Variants in SPATA13 observed in about 807,000 individuals in gnomAD.
SPATA13 encodes the protein spermatogenesis-associated protein 13.
Under a neutral mutation model 104.0 loss-of-function variants are expected in SPATA13, and 50 were observed. The observed-to-expected ratio is 0.48, with a 90% CI of 0.38 to 0.61. The LOEUF is 0.61. SPATA13 is among the 20% of genes least tolerant of loss of function. The pLI, the probability that SPATA13 is intolerant of heterozygous loss-of-function variation, is 0.00. For synonymous variants in SPATA13, 606 were observed against 667.5 expected (o/e 0.91, Z 1.42); for missense variants, 1,524 against 1,690.6 (o/e 0.90, Z 1.73).
intron 3 of SPATA13, among the ~76,000 whole-genome samples, chr13:24,146,645 TA>T (rs1034364417): frequency 8.2e-6 from 1 of 122,422 alleles, no homozygotes; most frequent in Non-Finnish European, 1.8e-5. Context: ...CACAGCAATT[TA>T]AAAAAAATGC....
chr13:24,075,732 T>C (rs1391824389), intron 3 of SPATA13, among the ~76,000 whole-genome samples: 2 of 152,206 alleles, frequency 1.3e-5, no homozygotes, highest in Non-Finnish European at 2.9e-5. Context: ...GTTTTTCACC[T>C]TGACCTCCAA....
intron 7 of SPATA13, among the ~76,000 whole-genome samples, chr13:24,287,918 G>A (rs762079134): frequency 6.6e-5 from 10 of 152,190 alleles, no homozygotes; most frequent in Admixed American, 2.6e-4. Context: ...TGCACTATCA[G>A]TTCAACGCTG....
At position 24,147,891 on chromosome 13, in the gene SPATA13, G is replaced by A. The variant is rs73448998; in HGVS notation, c.-111-74928G>A. 7.4e-3 allele frequency among the ~76,000 whole-genome samples: 1,129 copies of A among 152,230 alleles called. 12 individuals carry two copies. Among genetic ancestry groups the A allele is most frequent in the African/African-American group, 0.025 (1,018 of 41,534 alleles). On this transcript the variant is annotated intron_variant, in intron 3 of 14. Coordinates refer to the SPATA13 transcript ENST00000424834. The stretch of plus-strand genomic sequence containing the variant: ...ATTGGTTCATTTCATTTAGCGTAAG[G>A]TCCTCAAGGTTCATCCATGTTGTAG...
intron 2 of SPATA13, among the ~76,000 whole-genome samples, chr13:24,000,307 T>G (rs1875894661): frequency 6.6e-6 from 1 of 152,126 alleles, no homozygotes; most frequent in Non-Finnish European, 1.5e-5. Flanking sequence ...TTAACCAGGC[T>G]GATACAAAGA....
chr13:24,212,830 T>C (rs1029000870), intron 1 of SPATA13, among the ~76,000 whole-genome samples: 1 of 152,254 alleles, frequency 6.6e-6, no homozygotes, highest in Admixed American at 6.5e-5. Context: ...GGGCTCTTGC[T>C]GAGCCACTTG....
At chr13:24,023,802 G>C (rs1877086163) in intron 3 of SPATA13, among the ~76,000 whole-genome samples, 1 of 152,188 alleles carries the variant, frequency 6.6e-6, no homozygotes, top group Non-Finnish European at 1.5e-5. Context: ...CTCCAGAAGA[G>C]AATCAGTTCT....
chr13:24,286,675 A>G lies in SPATA13; in HGVS notation c.2482-90A>G. ...CCAGGCTGCCTTCCTAACAGGTCAC[A>G]GGAAAGTAGGAACCTGGGAGGTCTC... On this transcript the variant is annotated intron_variant, in intron 6 of 12. Transcript: ENST00000382108. This position sits in a 1 kb window ranked among gnomAD's most constrained non-coding sequence, Gnocchi z 4.9. 5 of 1,292,602 alleles carry G rather than the reference A, an allele frequency of 3.9e-6. No homozygotes were observed. The highest frequency in any genetic ancestry group is 5.3e-6 in the Non-Finnish European group (5 of 937,556). 80.1% of individuals were successfully genotyped at this position (1,292,602 alleles called of 1,614,324 possible). A position where few individuals can be genotyped will look rare whatever the true frequency, so the allele number is the denominator to read the frequency against.
At chr13:24,184,629 G>C (rs549810064) in intron 1 of SPATA13, among the ~76,000 whole-genome samples, 78 of 152,146 alleles carry the variant, frequency 5.1e-4, no homozygotes, top group Non-Finnish European at 1.0e-3. Context: ...GCAACAGCAT[G>C]AACTCACTAA....
intron 1 of SPATA13, among the ~76,000 whole-genome samples, chr13:24,216,906 T>TG (rs1871284012): frequency 6.6e-6 from 1 of 151,806 alleles, no homozygotes; most frequent in South Asian, 2.1e-4. Flanking sequence ...CAAAAATTAG[T>TG]GGGGCATAGT....
chr13:24,279,865 C>A lies in SPATA13; in HGVS notation c.2165-4270C>A, dbSNP rs75793460. Among the ~76,000 whole-genome samples, 776 of 152,294 alleles carry A rather than the reference C, an allele frequency of 5.1e-3. 44 individuals carry two copies. In the East Asian group the frequency reaches 0.12, roughly 23 times the overall value. On this transcript the variant is annotated intron_variant, in intron 4 of 12. Transcript: ENST00000382108. The stretch of plus-strand genomic sequence containing the variant: ...TCTCTTGCCCCTGGCCTCTGCCCCC[C>A]ATCTCCTGGCCAGGACTGAGTCAGC...
chr13:24,066,484 A>G (rs1878967989), intron 3 of SPATA13, among the ~76,000 whole-genome samples: 1 of 152,150 alleles, frequency 6.6e-6, no homozygotes, highest in Non-Finnish European at 1.5e-5. Flanking sequence ...TTGCCATGGT[A>G]GACCAGCTGC....
Position 24,088,499 on chromosome 13 carries a change from C to T in SPATA13, c.-112+70798C>T, listed in dbSNP as rs780062842. Among the ~76,000 whole-genome samples the T allele has an allele frequency of 6.6e-6, 1 of 152,116 alleles. No individual in the cohort carries two copies. The highest frequency in any genetic ancestry group is 2.4e-5 in the African/African-American group (1 of 41,408). ...ACTTCTCTTAGGGAAACACTGGGCA[C>T]CATGTGTTGATCGTTGGGTCCACAG... On this transcript the variant is annotated intron_variant, in intron 3 of 14. Coordinates refer to the SPATA13 transcript ENST00000424834. This position sits in a 1 kb window ranked among gnomAD's most constrained non-coding sequence, Gnocchi z 4.3.
Position 24,040,443 on chromosome 13 carries a change from A to G in SPATA13, c.-112+22742A>G, listed in dbSNP as rs116328253. Among the ~76,000 whole-genome samples, 716 of 152,234 alleles carry G rather than the reference A, an allele frequency of 4.7e-3. 6 individuals carry two copies. The highest frequency in any genetic ancestry group is 0.017 in the African/African-American group (693 of 41,522). On this transcript the variant is annotated intron_variant, in intron 3 of 14. Transcript: ENST00000424834. ...AGTCATTAGAGTATGGAGTGTAGAA[A>G]TTCACAGCACCGCCCTTGACAGGAA...
Position 24,056,128 on chromosome 13 carries a change from C to G in SPATA13, c.-112+38427C>G, listed in dbSNP as rs147301395. Among the ~76,000 whole-genome samples, 1,277 of 152,210 alleles carry G rather than the reference C, an allele frequency of 8.4e-3. 30 individuals carry two copies. Among genetic ancestry groups the G allele is most frequent in the African/African-American group, 0.029 (1,185 of 41,530 alleles). On this transcript the variant is annotated intron_variant, in intron 3 of 14. Coordinates refer to the SPATA13 transcript ENST00000424834. ...ATAGAAAGATGGGATGAAGGGCACCCCTCAGAATTTCACAGATGTTGAAAC... is the reference window on the plus strand; with the variant it reads ...ATAGAAAGATGGGATGAAGGGCACCGCTCAGAATTTCACAGATGTTGAAAC...
Position 24,028,658 on chromosome 13 carries a change from T to G in SPATA13, c.-112+10957T>G, listed in dbSNP as rs1260656087. On this transcript the variant is annotated intron_variant, in intron 3 of 14. Transcript: ENST00000424834. ...AACTACTATCAGTTTTGGAAAATTC[T>G]AATTGCCTCTCTTTTATTCACCTTA... Among the ~76,000 whole-genome samples, 5 of 152,366 alleles carry G rather than the reference T, an allele frequency of 3.3e-5. No individual in the cohort carries two copies. The East Asian group carries it at 9.6e-4, about 29-fold the overall frequency.
chr13:24,078,679 C>A lies in SPATA13; in HGVS notation c.-112+60978C>A, dbSNP rs117740195. 9.9e-3 allele frequency among the ~76,000 whole-genome samples: 1,503 copies of A among 152,284 alleles called. 7 individuals carry two copies. The highest frequency in any genetic ancestry group is 0.037 in the Middle Eastern group (11 of 294). On this transcript the variant is annotated intron_variant, in intron 3 of 14. Coordinates refer to the SPATA13 transcript ENST00000424834. ...AGGTGTGTTTAGGAAGCAGTTGTCG[C>A]CCTAGTCCATAAAGTCATACTCTTA...
chr13:24,178,554 T>C (rs1868589171), intron 1 of SPATA13, among the ~76,000 whole-genome samples: 1 of 152,164 alleles, frequency 6.6e-6, no homozygotes, highest in Non-Finnish European at 1.5e-5. Flanking sequence ...GCTTACTCTG[T>C]GCCATGCATT....
intron 3 of SPATA13, among the ~76,000 whole-genome samples, chr13:24,024,822 C>T (rs1487875938): frequency 6.6e-6 from 1 of 151,210 alleles, no homozygotes; most frequent in Non-Finnish European, 1.5e-5. Context: ...ACTTGGCAGG[C>T]TCAGATGGGA....
At chr13:24,210,218 C>G (rs960476304) in intron 1 of SPATA13, among the ~76,000 whole-genome samples, 2 of 152,108 alleles carry the variant, frequency 1.3e-5, no homozygotes, top group African/African-American at 4.8e-5. Context: ...ATGTTTTCTC[C>G]TATTCCATGG....
Sources: allele counts gnomAD v4.1 joint callset (sites outside exome capture counted in the v4.1 genomes callset), GRCh38; gene constraint gnomAD v4.1.1; non-coding constraint Gnocchi (gnomAD v3.1); transcripts MANE v1.5; gene names NCBI Gene and HGNC (gene_info 2026-07-23, HGNC 2026-07-21).